ELMO1: variants seen among roughly 807,000 people sequenced by gnomAD.
ELMO1 encodes engulfment and cell motility 1.
Under a neutral mutation model 98.9 loss-of-function variants are expected in ELMO1, and 26 were observed. The observed-to-expected ratio is 0.26, with a 90% CI of 0.19 to 0.36. ELMO1 has a LOEUF of 0.36. Among genes scored for constraint, ELMO1 ranks in the 10% least tolerant of loss-of-function variants. The probability of loss-of-function intolerance (pLI) is 1.00; values close to 1 mark genes in which losing one functional copy is unlikely to be tolerated. For missense variants in ELMO1, 627 were observed against 935.2 expected (o/e 0.67, Z 4.30); for synonymous variants, 346 against 346.0 (o/e 1.00, Z 0.00).
intron 14 of ELMO1, among the ~76,000 whole-genome samples, chr7:37,123,139 T>A (rs1786209779): frequency 6.6e-6 from 1 of 152,126 alleles, no homozygotes; most frequent in African/African-American, 2.4e-5. Flanking sequence ...TAAAGCAGTG[T>A]GTAGAGGGAA....
At chr7:36,981,154 T>C (rs1432759961) in intron 16 of ELMO1, among the ~76,000 whole-genome samples, 3 of 146,246 alleles carry the variant, frequency 2.1e-5, no homozygotes, top group African/African-American at 7.4e-5. Context: ...TAGAGTGAGC[T>C]TTGGCAAATG....
intron 2 of ELMO1, among the ~76,000 whole-genome samples, chr7:37,319,416 C>T (rs2131126588): frequency 6.6e-6 from 1 of 152,316 alleles, no homozygotes; most frequent in East Asian, 1.9e-4. Flanking sequence ...TTCTCACCGC[C>T]TAACTCTTCT....
At position 36,865,042 on chromosome 7, in the gene ELMO1, T is replaced by C. The variant is rs551225384; in HGVS notation, c.1906-3306A>G. Among the ~76,000 whole-genome samples the C allele has an allele frequency of 9.9e-5, 15 of 152,152 alleles. No homozygotes were observed. The East Asian group carries it at 2.9e-3, about 29-fold the overall frequency. ...TGTCAGCAGATGCTCAGGAAAATGGTTCCTGGGTTTGGGGACTGCCATCTT... is the reference window on the plus strand; with the variant it reads ...TGTCAGCAGATGCTCAGGAAAATGGCTCCTGGGTTTGGGGACTGCCATCTT... On this transcript the variant is annotated intron_variant, in intron 20 of 21. Coordinates refer to ENST00000310758, the MANE Select transcript of ELMO1 (RefSeq NM_014800.11).
chr7:37,086,372 A>T (rs985414077), intron 15 of ELMO1, among the ~76,000 whole-genome samples: 1 of 137,534 alleles, frequency 7.3e-6, no homozygotes, highest in Admixed American at 7.1e-5. Flanking sequence ...GTGTGTGAAG[A>T]GAAGGAGAGA....
At chr7:37,028,920 T>A (rs1794730458) in intron 15 of ELMO1, among the ~76,000 whole-genome samples, 1 of 152,226 alleles carries the variant, frequency 6.6e-6, no homozygotes, top group African/African-American at 2.4e-5. Context: ...ATTTATATAG[T>A]GCTTAATATA....
At chr7:36,997,066 C>T (rs887198901) in intron 16 of ELMO1, among the ~76,000 whole-genome samples, 2 of 152,018 alleles carry the variant, frequency 1.3e-5, no homozygotes, top group African/African-American at 4.8e-5. Flanking sequence ...AGGCTTGGGT[C>T]AAGTCCAGAT....
At chr7:37,215,937 G>A (rs949109665) in intron 11 of ELMO1, among the ~76,000 whole-genome samples, 1 of 151,676 alleles carries the variant, frequency 6.6e-6, no homozygotes, top group Non-Finnish European at 1.5e-5. Flanking sequence ...TTGCTGAACT[G>A]CTCTTTGGAA....
intron 15 of ELMO1, among the ~76,000 whole-genome samples, chr7:37,093,323 A>G (rs1373448322): frequency 1.3e-5 from 2 of 152,232 alleles, no homozygotes; most frequent in East Asian, 3.8e-4. Context: ...AATTAAAATC[A>G]AAAGAGAAAT....
chr7:37,261,077 GT>G (rs1279097093), intron 5 of ELMO1, among the ~76,000 whole-genome samples: 1 of 152,076 alleles, frequency 6.6e-6, no homozygotes, highest in Admixed American at 6.5e-5. Context: ...TTATTTCATT[GT>G]CATTATTAAT....
At chr7:37,152,764 G>T (rs1278764085) in intron 13 of ELMO1, among the ~76,000 whole-genome samples, 1 of 152,144 alleles carries the variant, frequency 6.6e-6, no homozygotes, top group East Asian at 1.9e-4. Flanking sequence ...GAAAGGAACA[G>T]AATTTGCGAT....
chr7:37,125,034 G>A (rs1239718638), intron 14 of ELMO1, among the ~76,000 whole-genome samples: 2 of 152,134 alleles, frequency 1.3e-5, no homozygotes, highest in Admixed American at 6.5e-5. Context: ...AAGAAATGGG[G>A]AAAGGATTCC....
chr7:37,390,589 T>A (rs1803024593), intron 1 of ELMO1, among the ~76,000 whole-genome samples: 1 of 152,172 alleles, frequency 6.6e-6, no homozygotes, highest in African/African-American at 2.4e-5. Context: ...CTATTTCTAA[T>A]CCTTTTCATG....
chr7:37,091,565 G>A (rs1233818717), intron 15 of ELMO1, among the ~76,000 whole-genome samples: 3 of 152,004 alleles, frequency 2.0e-5, no homozygotes, highest in Admixed American at 6.5e-5. Flanking sequence ...CCTGTTTTCT[G>A]TAAGGGCACC....
intron 5 of ELMO1, 147 bp from the exon 6 acceptor site, chr7:37,259,497 TTC>T: frequency 1.2e-6 from 1 of 853,700 alleles, no homozygotes; most frequent in Non-Finnish European, 1.8e-6. Context: ...AACGACAGGC[TTC>T]AAGGCTTCCA....
At chr7:37,311,294 C>T (rs1798874542) in intron 4 of ELMO1, among the ~76,000 whole-genome samples, 1 of 151,790 alleles carries the variant, frequency 6.6e-6, no homozygotes, top group African/African-American at 2.4e-5. Flanking sequence ...CCATCAACCA[C>T]TATTTCTATT....
intron 15 of ELMO1, among the ~76,000 whole-genome samples, chr7:37,085,531 C>T (rs576815345): frequency 6.6e-5 from 10 of 152,300 alleles, no homozygotes; most frequent in African/African-American, 2.4e-4. Context: ...CCTCCAATTT[C>T]ATGCTGCCTT....
At chr7:37,199,331 G>C (rs945902502) in intron 13 of ELMO1, among the ~76,000 whole-genome samples, 2 of 152,032 alleles carry the variant, frequency 1.3e-5, no homozygotes, top group African/African-American at 4.8e-5. Flanking sequence ...ATATGAAAAC[G>C]GGCTGAACAT....
chr7:37,398,476 T>C (rs1803390342), intron 1 of ELMO1, among the ~76,000 whole-genome samples: 1 of 152,224 alleles, frequency 6.6e-6, no homozygotes, highest in South Asian at 2.1e-4. Context: ...CAGAAAGCGA[T>C]GGATTCACTA....
At chr7:37,242,257 T>A (rs982406372) in intron 7 of ELMO1, among the ~76,000 whole-genome samples, 96 of 152,236 alleles carry the variant, frequency 6.3e-4, no homozygotes, top group African/African-American at 2.2e-3. Context: ...AGTAAAATTT[T>A]CACTTTATTG....
Sources: gnomAD v4.1 joint callset for allele counts (sites outside exome capture counted in the v4.1 genomes callset) on GRCh38, gnomAD v4.1.1 for gene constraint, MANE v1.5 for transcripts, NCBI Gene and HGNC (gene_info 2026-07-23, HGNC 2026-07-21) for gene names.